IGF2BP2: variants seen among roughly 807,000 people sequenced by gnomAD.
IGF2BP2 encodes the protein insulin-like growth factor 2 mRNA-binding protein 2.
IGF2BP2 carries 17 observed loss-of-function variants against 75.8 expected under a neutral mutation model. The observed-to-expected ratio is 0.22, with a 90% CI of 0.15 to 0.34. The LOEUF (loss-of-function observed/expected upper bound fraction) is 0.34, where lower values mean the gene tolerates loss of function less well. Among genes scored for constraint, IGF2BP2 ranks in the 10% least tolerant of loss-of-function variants. The pLI is 1.00. For missense variants in IGF2BP2, 516 were observed against 772.4 expected, an observed-to-expected ratio of 0.67 and a Z score of 3.93; for synonymous variants, 288 against 295.6, an observed-to-expected ratio of 0.97 and a Z score of 0.26.
chr3:185,704,681 C>A (rs1320234976), intron 2 of IGF2BP2, among the ~76,000 whole-genome samples: 1 of 152,140 alleles, frequency 6.6e-6, no homozygotes, highest in Non-Finnish European at 1.5e-5. Flanking sequence ...AATTCCTGGG[C>A]TCAAGCAATC....
At chr3:185,791,210 T>C (rs1413248621) in intron 2 of IGF2BP2, among the ~76,000 whole-genome samples, 1 of 152,248 alleles carries the variant, frequency 6.6e-6, no homozygotes, top group African/African-American at 2.4e-5. Context: ...ACATAGGTGA[T>C]TAACAAACCT....
At chr3:185,665,306 AG>A (rs1243424856) in intron 10 of IGF2BP2, among the ~76,000 whole-genome samples, 1 of 135,566 alleles carries the variant, frequency 7.4e-6, no homozygotes, top group East Asian at 2.3e-4. Context: ...GAGAAGGAGA[AG>A]GAGCAGAAGG....
At chr3:185,719,231 C>A (rs745330062) in intron 2 of IGF2BP2, among the ~76,000 whole-genome samples, 9 of 152,110 alleles carry the variant, frequency 5.9e-5, no homozygotes, top group Admixed American at 1.3e-4. Context: ...ACAGGGCAGT[C>A]ATTTGTGATT....
intron 2 of IGF2BP2, among the ~76,000 whole-genome samples, chr3:185,786,413 C>G (rs1002769470): frequency 1.1e-4 from 16 of 151,356 alleles, no homozygotes; most frequent in Non-Finnish European, 1.9e-4. Context: ...TGAAAATGGC[C>G]GGTTCCTGCC....
At chr3:185,674,898 G>T (rs948116319) in intron 9 of IGF2BP2, 4 of 155,502 alleles carry the variant, frequency 2.6e-5, no homozygotes, top group Admixed American at 6.5e-5. Flanking sequence ...GTGGTGTAAT[G>T]CCAGCTCACT....
chr3:185,756,908 T>C (rs932527816), intron 2 of IGF2BP2, among the ~76,000 whole-genome samples: 4 of 152,124 alleles, frequency 2.6e-5, no homozygotes, highest in Non-Finnish European at 5.9e-5. Context: ...AGTTTGAAGT[T>C]TACTAATCTA....
intron 6 of IGF2BP2, among the ~76,000 whole-genome samples, chr3:185,688,479 A>G (rs939192032): frequency 5.9e-5 from 9 of 152,162 alleles, no homozygotes; most frequent in African/African-American, 1.9e-4. Context: ...AGTAGCTGGG[A>G]TTACAGGCGT....
At chr3:185,678,610 T>C (rs1214825847) in intron 7 of IGF2BP2, among the ~76,000 whole-genome samples, 1 of 152,246 alleles carries the variant, frequency 6.6e-6, no homozygotes, top group African/African-American at 2.4e-5. Flanking sequence ...ACGTATATTC[T>C]GCCATTGTTG....
intron 2 of IGF2BP2, among the ~76,000 whole-genome samples, chr3:185,751,519 G>A (rs1004747756): frequency 1.4e-5 from 2 of 144,862 alleles, no homozygotes; most frequent in African/African-American, 5.2e-5. Context: ...TGCTGAGGCA[G>A]GAGAATTGCT....
At position 185,677,025 on chromosome 3, in the gene IGF2BP2, A is replaced by ATATATATATATATAT. The variant is rs1223557818; in HGVS notation, c.813-1113_813-1112insATATATATATATATA. 2.7e-5 allele frequency among the ~76,000 whole-genome samples: 3 copies of ATATATATATATATAT among 111,392 alleles called. 1 individual carries two copies. Among genetic ancestry groups the ATATATATATATATAT allele is most frequent in the Non-Finnish European group, 1.8e-5 (1 of 56,502 alleles). The allele number at this position is 111,392 out of a possible 152,430, so 73.1% of individuals were successfully genotyped here. The stretch of plus-strand genomic sequence containing the variant: ...ATGGAGAGATTATATATATGGAGAG[A>ATATATATATATATAT]GATATATATATATATGGAGATATAT... On this transcript the variant is annotated intron_variant, in intron 7 of 15. Coordinates refer to ENST00000382199, the MANE Select transcript of IGF2BP2 (RefSeq NM_006548.6).
chr3:185,677,148 T>C (rs1281548102), intron 7 of IGF2BP2, among the ~76,000 whole-genome samples: 1 of 144,140 alleles, frequency 6.9e-6, no homozygotes, highest in Non-Finnish European at 1.5e-5. Context: ...CATTCAGTGT[T>C]TTCAAGGCCC....
intron 2 of IGF2BP2, among the ~76,000 whole-genome samples, chr3:185,760,134 C>T (rs2149687765): frequency 6.6e-6 from 1 of 152,230 alleles, no homozygotes; most frequent in South Asian, 2.1e-4. Flanking sequence ...CCCCAATTGT[C>T]TTATAATCCC....
intron 2 of IGF2BP2, among the ~76,000 whole-genome samples, chr3:185,752,968 T>A (rs1319239033): frequency 6.6e-6 from 1 of 152,182 alleles, no homozygotes; most frequent in Non-Finnish European, 1.5e-5. Flanking sequence ...ATGTTTTCAT[T>A]CACAACAGAG....
intron 2 of IGF2BP2, among the ~76,000 whole-genome samples, chr3:185,747,062 G>A (rs1425468282): frequency 1.3e-5 from 2 of 152,062 alleles, no homozygotes; most frequent in South Asian, 2.1e-4. Flanking sequence ...ACTCCAAAAC[G>A]AACAATTTCC....
chr3:185,665,011 G>T (rs903871174), intron 10 of IGF2BP2, among the ~76,000 whole-genome samples: 2 of 151,692 alleles, frequency 1.3e-5, no homozygotes, highest in African/African-American at 2.4e-5. Context: ...TACCGGGGGG[G>T]AAAAACAGAC....
chr3:185,754,020 A>T (rs933359646), intron 2 of IGF2BP2, among the ~76,000 whole-genome samples: 8 of 151,818 alleles, frequency 5.3e-5, no homozygotes, highest in African/African-American at 9.7e-5. Flanking sequence ...CCTGGGCAAC[A>T]TGTTGAAACC....
intron 2 of IGF2BP2, among the ~76,000 whole-genome samples, chr3:185,768,335 T>C (rs1229687056): frequency 6.6e-6 from 1 of 152,126 alleles, no homozygotes; most frequent in Non-Finnish European, 1.5e-5. Context: ...CTGGGCGACA[T>C]GAGTATGTAG....
chr3:185,719,745 A>C (rs1219183489), intron 2 of IGF2BP2, among the ~76,000 whole-genome samples: 2 of 152,150 alleles, frequency 1.3e-5, no homozygotes, highest in Non-Finnish European at 2.9e-5. Context: ...GAGGCAAGAG[A>C]ATCACTTGAA....
intron 2 of IGF2BP2, among the ~76,000 whole-genome samples, chr3:185,705,205 T>C (rs1723850795): frequency 6.6e-6 from 1 of 152,226 alleles, no homozygotes; most frequent in Admixed American, 6.5e-5. Context: ...CAAGTGATTT[T>C]CCTGCCTCAG....
Sources: allele counts gnomAD v4.1 joint callset (sites outside exome capture counted in the v4.1 genomes callset), GRCh38; gene constraint gnomAD v4.1.1; transcripts MANE v1.5; gene names NCBI Gene and HGNC (gene_info 2026-07-23, HGNC 2026-07-21).